The following ABR variants were observed in gnomAD, a reference collection of about 807,000 sequenced individuals.
ABR encodes ABR activator of RhoGEF and GTPase.
ABR carries 35 observed loss-of-function variants against 107.2 expected under a neutral mutation model. The observed-to-expected ratio is 0.33, with a 90% CI of 0.25 to 0.43. ABR has a LOEUF of 0.43. ABR is among the 20% of genes least tolerant of loss of function. The pLI, the probability that ABR is intolerant of heterozygous loss-of-function variation, is 1.00. For synonymous variants in ABR, 498 were observed against 462.0 expected (o/e 1.08, Z -1.00); for missense variants, 815 against 1,115.2 (o/e 0.73, Z 3.83).
At position 1,007,306 on chromosome 17, in the gene ABR, G is replaced by A. The variant is rs34760946; in HGVS notation, c.2349C>T (p.Ala783=). The A allele has an allele frequency of 7.8e-3, 12,640 of 1,613,956 alleles. 823 individuals are homozygous for A. In the African/African-American group the frequency reaches 0.15, roughly 19 times the overall value. The change falls in exon 22 of 23, where the codon GCC becomes GCT. Residue 783 remains alanine (A), a synonymous_variant. Coordinates refer to ENST00000302538, the MANE Select transcript of ABR (RefSeq NM_021962.5). ...LFLLEHLKRV[A]EKEPINKMSL... ...ACATTTTGTTGATGGGCTCCTTCTC[G>A]GCAACCCTAAGAAGGAGAAGATGGG... is the stretch of plus-strand genomic sequence containing the variant.
At chr17:1,018,136 G>C (rs563822092) in intron 16 of ABR, among the ~76,000 whole-genome samples, 1 of 151,892 alleles carries the variant, frequency 6.6e-6, no homozygotes, top group Non-Finnish European at 1.5e-5. Flanking sequence ...TCCGCCTCCC[G>C]GGTTCACGCC....
At position 1,073,670 on chromosome 17, in the gene ABR, G is replaced by A. The variant is rs1046129805; in HGVS notation, c.708C>T (p.Leu236=). Residue 236 remains leucine (L), a synonymous_variant, in exon 7 of 23, where the codon CTC becomes CTT. Coordinates refer to ENST00000302538, the MANE Select transcript of ABR (RefSeq NM_021962.5). ...GAGTGACCCGGTCAATGGGCTTGTA[G>A]AGCAGAGCTGTCGGGGGAGACAGGG... ...SHTSVTMEAL[L]YKPIDRVTRS... 5 of 1,606,140 alleles carry A rather than the reference G, an allele frequency of 3.1e-6. No homozygotes were observed. In the Admixed American group the frequency reaches 8.4e-5, roughly 27 times the overall value.
At chr17:1,038,785 C>T (rs1419287755) in intron 16 of ABR, among the ~76,000 whole-genome samples, 1 of 152,262 alleles carries the variant, frequency 6.6e-6, no homozygotes, top group Non-Finnish European at 1.5e-5. Context: ...TCTGCAGCCT[C>T]AGCCCTAACT....
intron 1 of ABR, among the ~76,000 whole-genome samples, chr17:1,185,657 A>ATAAAAT (rs2042267835): frequency 7.1e-6 from 1 of 140,856 alleles, no homozygotes; most frequent in African/African-American, 2.8e-5. Flanking sequence ...AAAGAAATAA[A>ATAAAAT]AAAAAAAAAA....
At chr17:1,019,888 A>T (rs1295520228) in intron 16 of ABR, among the ~76,000 whole-genome samples, 1 of 152,166 alleles carries the variant, frequency 6.6e-6, no homozygotes, top group Non-Finnish European at 1.5e-5. Context: ...TGAAGCAGGG[A>T]GACAGAGGGA....
chr17:1,033,619 C>T (rs1303718853), intron 16 of ABR, among the ~76,000 whole-genome samples: 2 of 152,220 alleles, frequency 1.3e-5, no homozygotes, highest in African/African-American at 2.4e-5. Context: ...TCAGTCTTCA[C>T]TGTCCCTGCA....
chr17:1,030,815 C>T (rs1296949796), intron 16 of ABR, among the ~76,000 whole-genome samples: 1 of 152,234 alleles, frequency 6.6e-6, no homozygotes, highest in Non-Finnish European at 1.5e-5. Context: ...CCTGGCCAGC[C>T]GGACTGGCAC....
intron 5 of ABR, among the ~76,000 whole-genome samples, chr17:1,079,998 A>G (rs1335101149): frequency 6.6e-6 from 1 of 151,862 alleles, no homozygotes; most frequent in Non-Finnish European, 1.5e-5. Context: ...CTGTGATTAC[A>G]GGAACCCCGA....
At chr17:1,134,137 G>A (rs1260197566) in intron 1 of ABR, among the ~76,000 whole-genome samples, 4 of 152,244 alleles carry the variant, frequency 2.6e-5, no homozygotes, top group South Asian at 2.1e-4. Flanking sequence ...AAAATTAGCC[G>A]GGTGGTGACT....
At chr17:1,144,313 A>G (rs979015812) in intron 1 of ABR, among the ~76,000 whole-genome samples, 18 of 152,050 alleles carry the variant, frequency 1.2e-4, no homozygotes, top group Non-Finnish European at 2.4e-4. Flanking sequence ...GCTATCACAC[A>G]CCAGATGCAG....
In ABR at chr17:1,186,151, T is replaced by C. The variant is rs181030968; in HGVS notation, c.-78+649A>G. Among the ~76,000 whole-genome samples, 3 of 152,304 alleles carry C rather than the reference T, an allele frequency of 2.0e-5. No individual in the cohort carries two copies. The East Asian group carries it at 5.8e-4, about 29-fold the overall frequency. ...CATGTGCGGCCAGCATTTACTATTC[T>C]AAGATTCATCCTCAGCCCTCCAGTC... On this transcript the variant is annotated intron_variant, in intron 1 of 22. Coordinates refer to the ABR transcript ENST00000544583.
intron 1 of ABR, among the ~76,000 whole-genome samples, chr17:1,202,530 A>G (rs1258935304): frequency 6.6e-6 from 1 of 152,180 alleles, no homozygotes; most frequent in East Asian, 1.9e-4. Flanking sequence ...AGTTGCATTC[A>G]GAGTATTTCC....
In ABR at chr17:1,148,075, G is replaced by C. The variant is rs993636267; in HGVS notation, c.62-22708C>G. On this transcript the variant is annotated intron_variant, in intron 1 of 22. Transcript: ENST00000302538. This position sits in a 1 kb window ranked among gnomAD's most constrained non-coding sequence, Gnocchi z 4.9. ...AGGCTGGTCAATGGGCCCACCCCAC[G>C]GTAAGCTTCAAGGATGGCCTGCTTG... 6.6e-6 allele frequency among the ~76,000 whole-genome samples: 1 copy of C among 152,184 alleles called. No individual in the cohort carries two copies. The highest frequency in any genetic ancestry group is 2.1e-4 in the South Asian group (1 of 4,832).
Position 1,092,372 on chromosome 17 carries a change from T to C in ABR, c.346-522A>G, listed in dbSNP as rs1837862152. ...CCGTCACTTGGCACAGGGAGAGGCA[T>C]GGGCGTTCACGTGTCCCCCACTGCA... On this transcript the variant is annotated intron_variant, in intron 3 of 22. Coordinates refer to ENST00000302538, the MANE Select transcript of ABR (RefSeq NM_021962.5). The surrounding 1 kb of genome is among the most constrained non-coding windows in gnomAD (Gnocchi z 4.6). Among the ~76,000 whole-genome samples, 1 of 152,156 alleles carries C rather than the reference T, an allele frequency of 6.6e-6. No individual in the cohort carries two copies. The highest frequency in any genetic ancestry group is 1.5e-5 in the Non-Finnish European group (1 of 68,022).
At chr17:1,083,723 T>A in intron 4 of ABR, 96 bp from the exon 5 acceptor site, 1 of 1,013,758 alleles carries the variant, frequency 9.9e-7, no homozygotes, top group South Asian at 1.3e-5. Flanking sequence ...GGAGCTCCCC[T>A]GCACTGAAAA....
At chr17:1,012,526 C>T (rs1404212468) in intron 18 of ABR, 162 bp downstream of exon 18, 3 of 702,904 alleles carry the variant, frequency 4.3e-6, no homozygotes, top group Admixed American at 2.0e-5. Flanking sequence ...CTGTGAGCGC[C>T]TCTGCGGCCA....
At chr17:1,077,394 G>A (rs2035820513) in intron 6 of ABR, among the ~76,000 whole-genome samples, 1 of 152,190 alleles carries the variant, frequency 6.6e-6, no homozygotes, top group Non-Finnish European at 1.5e-5. Context: ...GGAAGGGAGA[G>A]GAAGCCAAGG....
chr17:1,130,718 C>T (rs183067571), intron 1 of ABR, among the ~76,000 whole-genome samples: 2 of 152,084 alleles, frequency 1.3e-5, no homozygotes, highest in Non-Finnish European at 2.9e-5. Flanking sequence ...AGATCATTGT[C>T]GATTAACCGG....
At chr17:1,116,943 G>A (rs2586268) in intron 2 of ABR, among the ~76,000 whole-genome samples, 119,218 of 152,144 alleles carry the variant, frequency 0.78, 46,864 homozygotes, top group East Asian at 0.88. Flanking sequence ...ACCCAGGTCC[G>A]GAGCAGTCAG....
Sources: gnomAD v4.1 joint callset for allele counts (sites outside exome capture counted in the v4.1 genomes callset) on GRCh38, gnomAD v4.1.1 for gene constraint, Gnocchi (gnomAD v3.1) non-coding constraint, MANE v1.5 for transcripts, NCBI Gene and HGNC (gene_info 2026-07-23, HGNC 2026-07-21) for gene names.